The following GRIK5 variants were observed in gnomAD, a reference collection of about 807,000 sequenced individuals.
GRIK5 encodes glutamate ionotropic receptor kainate type subunit 5.
In GRIK5, 43 loss-of-function variants were observed where a neutral mutation model predicts 97.4. The observed-to-expected ratio is 0.44, with a 90% CI of 0.35 to 0.57. GRIK5 has a LOEUF of 0.57. Among genes scored for constraint, GRIK5 ranks in the 20% least tolerant of loss-of-function variants. The pLI, the probability that GRIK5 is intolerant of heterozygous loss-of-function variation, is 0.01. For synonymous variants in GRIK5, 580 were observed against 583.5 expected (o/e 0.99, Z 0.09); for missense variants, 1,015 against 1,382.0 (o/e 0.73, Z 4.21).
At position 42,015,936 on chromosome 19, in the gene GRIK5, C is replaced by T. The variant is rs552936509; in HGVS notation, c.1871+5365G>A. Among the ~76,000 whole-genome samples the T allele has an allele frequency of 4.4e-4, 67 of 152,312 alleles. 1 individual carries two copies. Among genetic ancestry groups the T allele is most frequent in the Middle Eastern group, 3.4e-3 (1 of 294 alleles). On this transcript the variant is annotated intron_variant, in intron 15 of 19. Coordinates refer to ENST00000593562, the MANE Select transcript of GRIK5 (RefSeq NM_002088.5). Reference sequence around the variant, plus strand: ...AAACAGCAATGTCCTCCACAGAACACATGTGCAAAGCTATGCTAGGCACTG... The same window carrying T: ...AAACAGCAATGTCCTCCACAGAACATATGTGCAAAGCTATGCTAGGCACTG...
chr19:42,054,540 CCT>C (rs1203209552), intron 8 of GRIK5, 68 bp from the exon 9 acceptor site: 158 of 1,555,160 alleles, frequency 1.0e-4, no homozygotes, highest in Non-Finnish European at 1.3e-4. Context: ...CCCAAAGGCC[CCT>C]GAGCTGCCAC....
chr19:42,057,739 C>A (rs1252255085), intron 6 of GRIK5, among the ~76,000 whole-genome samples: 1 of 152,052 alleles, frequency 6.6e-6, no homozygotes, highest in Non-Finnish European at 1.5e-5. Flanking sequence ...TAGGACTCAG[C>A]CTAGGCATAA....
At chr19:42,051,322 C>T (rs967906307) in intron 11 of GRIK5, among the ~76,000 whole-genome samples, 3 of 152,154 alleles carry the variant, frequency 2.0e-5, no homozygotes, top group Non-Finnish European at 4.4e-5. Flanking sequence ...GATCCCTGAG[C>T]CTGCCCCAGG....
In GRIK5 at chr19:42,056,809, C is replaced by A; in HGVS notation, c.756G>T (p.Leu252=). The A allele has an allele frequency of 6.2e-7, 1 of 1,614,066 alleles. No individual in the cohort carries two copies. The highest frequency in any genetic ancestry group is 2.2e-5 in the East Asian group (1 of 44,876). ...AGTCCTCCACAATACCGTCCAGATG[C>A]AGGATGGGGAAGTCCTGGGACCAGG... ...YILTTMDFPI[L]HLDGIVEDSS... Residue 252 remains leucine (L), a synonymous_variant, in exon 8 of 20, where the codon CTG becomes CTT. Coordinates refer to ENST00000593562, the MANE Select transcript of GRIK5 (RefSeq NM_002088.5).
intron 5 of GRIK5, among the ~76,000 whole-genome samples, chr19:42,060,942 A>T (rs1409003675): frequency 6.6e-6 from 1 of 152,106 alleles, no homozygotes; most frequent in Non-Finnish European, 1.5e-5. Context: ...TTTTTTGCCC[A>T]AGTCCTCTCC....
At chr19:42,013,391 T>A (rs113211475) in intron 15 of GRIK5, among the ~76,000 whole-genome samples, 1 of 150,152 alleles carries the variant, frequency 6.7e-6, no homozygotes, top group African/African-American at 2.4e-5. Flanking sequence ...ACATCTTTTT[T>A]TTTCTTTTTT....
intron 11 of GRIK5, among the ~76,000 whole-genome samples, chr19:42,052,158 A>AG (rs1397076917): frequency 6.6e-6 from 1 of 152,226 alleles, no homozygotes; most frequent in African/African-American, 2.4e-5. Flanking sequence ...GGTGAACATC[A>AG]GGAAGGGAAG....
At chr19:42,045,834 G>A (rs1178345294) in intron 11 of GRIK5, among the ~76,000 whole-genome samples, 1 of 152,200 alleles carries the variant, frequency 6.6e-6, no homozygotes, top group African/African-American at 2.4e-5. Flanking sequence ...TGAGGATGCT[G>A]AGGTCCAGAG....
chr19:42,066,944 GAGA>G (rs1269249163), intron 1 of GRIK5, among the ~76,000 whole-genome samples: 4 of 152,168 alleles, frequency 2.6e-5, no homozygotes, highest in Admixed American at 2.0e-4. Flanking sequence ...CCCTACTGGG[GAGA>G]AGAAGTAAAG....
In GRIK5 at chr19:42,030,430, T is replaced by C. The variant is rs377206684; in HGVS notation, c.1474-8076A>G. On this transcript the variant is annotated intron_variant, in intron 12 of 19. Transcript: ENST00000593562. ...CCTCAGCCTCCCAAAGTGCTGGTAT[T>C]AGAGGCGCGAGCCACCGTGCCCAGC... 3.3e-5 allele frequency among the ~76,000 whole-genome samples: 5 copies of C among 152,044 alleles called. No individual in the cohort carries two copies. The East Asian group carries it at 5.8e-4, about 18-fold the overall frequency.
intron 5 of GRIK5, among the ~76,000 whole-genome samples, chr19:42,060,771 C>T (rs749482976): frequency 8.6e-5 from 13 of 151,946 alleles, no homozygotes; most frequent in African/African-American, 2.9e-4. Context: ...TCCCTCCTTC[C>T]CCTCCTCCAG....
intron 12 of GRIK5, among the ~76,000 whole-genome samples, chr19:42,031,368 TC>T (rs1194980701): frequency 6.6e-6 from 1 of 152,224 alleles, no homozygotes; most frequent in Admixed American, 6.5e-5. Context: ...TCTAGGAGCT[TC>T]CACGTGGCTC....
rs946823760 is a variant in GRIK5, at chr19:42,062,002, G to A, written c.508+486C>T. 7.2e-5 allele frequency among the ~76,000 whole-genome samples: 11 copies of A among 152,134 alleles called. No individual in the cohort carries two copies. Among genetic ancestry groups the A allele is most frequent in the Middle Eastern group, 3.2e-3 (1 of 316 alleles). On this transcript the variant is annotated intron_variant, in intron 5 of 19. Transcript: ENST00000593562. The surrounding 1 kb of genome is among the most constrained non-coding windows in gnomAD (Gnocchi z 5.3). ...CTCCCTGGGCCCTCTACCTCTGCCC[G>A]TCACACTTTCTACTTAGAACCTGTT...
chr19:42,046,706 T>C (rs1032774043), intron 11 of GRIK5, among the ~76,000 whole-genome samples: 2 of 152,132 alleles, frequency 1.3e-5, no homozygotes, highest in South Asian at 4.1e-4. Flanking sequence ...CTACTCTTTG[T>C]TAAAGAAAGA....
At chr19:42,020,156 A>G (rs2075679986) in intron 15 of GRIK5, among the ~76,000 whole-genome samples, 1 of 151,962 alleles carries the variant, frequency 6.6e-6, no homozygotes, top group Admixed American at 6.6e-5. Context: ...AGCCATCAAG[A>G]CTCGCAAGTG....
Position 42,065,094 on chromosome 19 carries a change from AC to A in GRIK5, c.244+128del, listed in dbSNP as rs559228279. ...AGCCATGTCTGGGAAGAAGGCAGAG[AC>A]AAACACAAAGAAGGGGGAGGATGGA... is the stretch of plus-strand genomic sequence containing the variant. On this transcript the variant is annotated intron_variant, in intron 3 of 19. Coordinates refer to ENST00000593562, the MANE Select transcript of GRIK5 (RefSeq NM_002088.5). The surrounding 1 kb of genome is among the most constrained non-coding windows in gnomAD (Gnocchi z 5.8). 19 of 798,818 alleles carry A rather than the reference AC, an allele frequency of 2.4e-5. No homozygotes were observed. Among genetic ancestry groups the A allele is most frequent in the Non-Finnish European group, 3.7e-5 (19 of 512,516 alleles). The allele number at this position is 798,818 out of a possible 1,614,324, so 49.5% of individuals were successfully genotyped here.
intron 11 of GRIK5, among the ~76,000 whole-genome samples, chr19:42,044,873 G>A (rs2076023792): frequency 6.6e-6 from 1 of 152,226 alleles, no homozygotes; most frequent in South Asian, 2.1e-4. Flanking sequence ...CAGAGGCTCA[G>A]GTTGCGGTGA....
chr19:42,010,864 G>C (rs943930521), intron 15 of GRIK5, among the ~76,000 whole-genome samples: 1 of 152,104 alleles, frequency 6.6e-6, no homozygotes, highest in Admixed American at 6.5e-5. Flanking sequence ...AGGGTGGAGA[G>C]GCGTGAACAC....
intron 1 of GRIK5, chr19:42,068,838 G>A: frequency 1.5e-6 from 1 of 672,558 alleles, no homozygotes; most frequent in Non-Finnish European, 2.7e-6. Context: ...GACTGGACGG[G>A]GTGGGGACAG....
Sources: gnomAD v4.1 joint callset for allele counts (sites outside exome capture counted in the v4.1 genomes callset) on GRCh38, gnomAD v4.1.1 for gene constraint, Gnocchi (gnomAD v3.1) non-coding constraint, MANE v1.5 for transcripts, NCBI Gene and HGNC (gene_info 2026-07-23, HGNC 2026-07-21) for gene names.